The following NKAIN3 variants were observed in gnomAD, a reference collection of about 807,000 sequenced individuals.
NKAIN3 encodes the protein sodium/potassium-transporting ATPase subunit beta-1-interacting protein 3.
A neutral mutation model predicts 30.2 loss-of-function variants in NKAIN3; 25 were observed. That is an observed-to-expected ratio of 0.83 (90% CI 0.60 to 1.16). NKAIN3 has a LOEUF of 1.16. NKAIN3 is among the 50% of genes most tolerant of loss of function. The pLI, the probability that NKAIN3 is intolerant of heterozygous loss-of-function variation, is 0.00. For synonymous variants in NKAIN3, 91 were observed against 89.6 expected (o/e 1.02, Z -0.09); for missense variants, 225 against 254.1 (o/e 0.89, Z 0.78).
chr8:62,617,006 G>T (rs145579684), intron 3 of NKAIN3, among the ~76,000 whole-genome samples: 1 of 152,216 alleles, frequency 6.6e-6, no homozygotes, highest in Non-Finnish European at 1.5e-5. Flanking sequence ...TGGGAGATCT[G>T]GTTGTTTAAA....
At chr8:62,380,242 GT>G (rs1002181576) in intron 1 of NKAIN3, among the ~76,000 whole-genome samples, 1 of 152,148 alleles carries the variant, frequency 6.6e-6, no homozygotes, top group African/African-American at 2.4e-5. Context: ...TTAATAAATA[GT>G]TTGCATTTTC....
chr8:62,608,469 T>C (rs2130175767), intron 3 of NKAIN3, among the ~76,000 whole-genome samples: 1 of 152,318 alleles, frequency 6.6e-6, no homozygotes, highest in Middle Eastern at 3.4e-3. Flanking sequence ...TAAAACTTTA[T>C]GTTGAAAACT....
intron 1 of NKAIN3, among the ~76,000 whole-genome samples, chr8:62,343,265 C>T (rs913453462): frequency 1.3e-5 from 2 of 151,760 alleles, no homozygotes; most frequent in Non-Finnish European, 2.9e-5. Flanking sequence ...AATAATAGTG[C>T]CTATTATATA....
intron 1 of NKAIN3, chr8:62,474,051 T>G (rs1480242393): frequency 6.6e-6 from 1 of 152,212 alleles, no homozygotes; most frequent in African/African-American, 2.4e-5. Flanking sequence ...GACTTACTTG[T>G]CACCTGGCAT....
At chr8:62,403,050 GA>G (rs768141829) in intron 1 of NKAIN3, among the ~76,000 whole-genome samples, 1 of 152,204 alleles carries the variant, frequency 6.6e-6, no homozygotes, top group Non-Finnish European at 1.5e-5. Flanking sequence ...AGACCAGGCT[GA>G]GGTGGTCTCA....
At chr8:62,793,328 A>G (rs1416630883) in intron 4 of NKAIN3, among the ~76,000 whole-genome samples, 1 of 151,994 alleles carries the variant, frequency 6.6e-6, no homozygotes, top group Non-Finnish European at 1.5e-5. Context: ...CCGTCAATTG[A>G]CATTTTTTAC....
chr8:62,511,856 T>C (rs1807821401), intron 1 of NKAIN3, among the ~76,000 whole-genome samples: 1 of 152,220 alleles, frequency 6.6e-6, no homozygotes, highest in African/African-American at 2.4e-5. Context: ...TTCTTAACAT[T>C]TGGATCCCTG....
intron 1 of NKAIN3, among the ~76,000 whole-genome samples, chr8:62,514,280 T>A (rs777836258): frequency 6.6e-6 from 1 of 152,148 alleles, no homozygotes; most frequent in Non-Finnish European, 1.5e-5. Flanking sequence ...TTTTTTAATG[T>A]TTTTAGATAA....
chr8:62,279,805 C>G (rs1333650253), intron 1 of NKAIN3, among the ~76,000 whole-genome samples: 5 of 152,124 alleles, frequency 3.3e-5, no homozygotes, highest in African/African-American at 4.8e-5. Context: ...AGTCAGGTAG[C>G]ATGATGCCTC....
intron 1 of NKAIN3, among the ~76,000 whole-genome samples, chr8:62,377,042 A>G (rs1047301773): frequency 1.3e-5 from 2 of 152,200 alleles, no homozygotes; most frequent in Admixed American, 6.5e-5. Context: ...AAGTTCAGTG[A>G]AAAACTTTAG....
chr8:62,366,170 A>T (rs1388085220), intron 1 of NKAIN3, among the ~76,000 whole-genome samples: 7 of 149,536 alleles, frequency 4.7e-5, no homozygotes, highest in African/African-American at 1.7e-4. Context: ...ATTTTAAGTC[A>T]TCTAGTTTGT....
At chr8:62,843,288 C>A (rs28410835) in intron 4 of NKAIN3, among the ~76,000 whole-genome samples, 1 of 151,254 alleles carries the variant, frequency 6.6e-6, no homozygotes, top group Non-Finnish European at 1.5e-5. Context: ...TCCCTGCTAA[C>A]GTCTTTTTTC....
In NKAIN3 at chr8:62,863,837, A is replaced by G. The variant is rs1033950325; in HGVS notation, c.472-54616A>G. On this transcript the variant is annotated intron_variant, in intron 4 of 6. Coordinates refer to ENST00000623646, the MANE Select transcript of NKAIN3 (RefSeq NM_001304533.3). The stretch of plus-strand genomic sequence containing the variant: ...ATACCGGCCATTGAAGAGGTCTGCA[A>G]TTTTCACTGGATGATAGCCACCTTT... The G allele has an allele frequency of 4.4e-6, 7 of 1,608,966 alleles. No individual in the cohort carries two copies. In the East Asian group the frequency reaches 6.7e-5, roughly 15 times the overall value.
At chr8:62,408,716 A>T (rs1379935694) in intron 1 of NKAIN3, among the ~76,000 whole-genome samples, 1 of 152,180 alleles carries the variant, frequency 6.6e-6, no homozygotes, top group Non-Finnish European at 1.5e-5. Context: ...CTAAGTTAGT[A>T]CACCACTGCC....
At position 62,965,709 on chromosome 8, in the gene NKAIN3, G is replaced by C. The variant is rs1823694064; in HGVS notation, c.*302G>C. The C allele has an allele frequency of 3.0e-6, 3 of 983,614 alleles. No individual in the cohort carries two copies. The highest frequency in any genetic ancestry group is 3.6e-6 in the Non-Finnish European group (3 of 828,766). 60.9% of individuals were successfully genotyped at this position (983,614 alleles called of 1,614,324 possible). ...GCATGCAAAATGAAAAAGCAAATCT[G>C]TGAAAACCTTCTACAGTCAATTCTA... On this transcript the variant is annotated 3_prime_UTR_variant, in exon 7 of 7. Coordinates refer to ENST00000623646, the MANE Select transcript of NKAIN3 (RefSeq NM_001304533.3).
intron 3 of NKAIN3, among the ~76,000 whole-genome samples, chr8:62,606,037 C>A (rs1007671829): frequency 6.6e-6 from 1 of 152,096 alleles, no homozygotes; most frequent in Admixed American, 6.6e-5. Context: ...CTGTAATTGA[C>A]CTACCTTCAG....
Position 62,274,585 on chromosome 8 carries a change from A to AT in NKAIN3, c.54+25467dup, listed in dbSNP as rs774103415. ...CTTGCTCCAGACTGCCTGGAAATTC[A>AT]TTTTTTTTTAAATTTAGTTATTATT... On this transcript the variant is annotated intron_variant, in intron 1 of 6. Coordinates refer to ENST00000623646, the MANE Select transcript of NKAIN3 (RefSeq NM_001304533.3). Among the ~76,000 whole-genome samples the AT allele has an allele frequency of 1.2e-3, 188 of 151,248 alleles. 1 individual carries two copies. The Middle Eastern group carries it at 0.014, about 11-fold the overall frequency.
chr8:62,574,726 G>T (rs1005462126), intron 1 of NKAIN3, among the ~76,000 whole-genome samples: 11 of 151,908 alleles, frequency 7.2e-5, no homozygotes, highest in African/African-American at 2.4e-4. Flanking sequence ...CTGTTTTTTG[G>T]ATATAAGCCA....
At chr8:62,512,883 G>A (rs1406058162) in intron 1 of NKAIN3, among the ~76,000 whole-genome samples, 1 of 152,040 alleles carries the variant, frequency 6.6e-6, no homozygotes, top group African/African-American at 2.4e-5. Context: ...AACAGATGGT[G>A]CATTACCAAC....
Sources: allele counts gnomAD v4.1 joint callset (sites outside exome capture counted in the v4.1 genomes callset), GRCh38; gene constraint gnomAD v4.1.1; transcripts MANE v1.5; gene names NCBI Gene and HGNC (gene_info 2026-07-23, HGNC 2026-07-21).